The following PTPRD variants were observed in gnomAD, a reference collection of about 807,000 sequenced individuals.
The protein encoded by PTPRD is receptor-type tyrosine-protein phosphatase delta.
A neutral mutation model predicts 214.5 loss-of-function variants in PTPRD; 34 were observed. The observed-to-expected ratio is 0.16, with a 90% confidence interval of 0.12 to 0.21. PTPRD has a LOEUF of 0.21. Ranked by LOEUF, PTPRD falls within the 10% of genes least tolerant of loss-of-function variation. The pLI is 1.00. For synonymous variants in PTPRD, 1,128 were observed against 845.7 expected, an observed-to-expected ratio of 1.33 and a Z score of -5.79; for missense variants, 2,545 against 2,398.7, an observed-to-expected ratio of 1.06 and a Z score of -1.27.
intron 7 of PTPRD, among the ~76,000 whole-genome samples, chr9:9,724,991 T>C (rs1388391822): frequency 2.0e-5 from 3 of 152,162 alleles, no homozygotes; most frequent in Non-Finnish European, 2.9e-5. Flanking sequence ...CCTTCCTGCA[T>C]TCCCTACTTT....
chr9:8,511,453 T>C (rs1035362289), intron 21 of PTPRD, among the ~76,000 whole-genome samples: 1 of 152,120 alleles, frequency 6.6e-6, no homozygotes, highest in Non-Finnish European at 1.5e-5. Flanking sequence ...AACCTTCACT[T>C]ACCAGTCCTT....
intron 7 of PTPRD, among the ~76,000 whole-genome samples, chr9:9,692,110 A>C (rs1288526065): frequency 2.2e-4 from 5 of 23,220 alleles, no homozygotes; most frequent in Non-Finnish European, 3.5e-4. Context: ...CTTTGATGTG[A>C]AGAAGATTTT....
intron 8 of PTPRD, among the ~76,000 whole-genome samples, chr9:9,432,016 A>G (rs1445413565): frequency 6.7e-6 from 1 of 149,984 alleles, no homozygotes; most frequent in Non-Finnish European, 1.5e-5. Flanking sequence ...ACAAACCTGC[A>G]TGTTGTGTAC....
At chr9:9,282,832 T>C (rs1948173891) in intron 9 of PTPRD, among the ~76,000 whole-genome samples, 1 of 151,514 alleles carries the variant, frequency 6.6e-6, no homozygotes. Flanking sequence ...TTAAGTGGCA[T>C]ACAAATTCAA....
intron 11 of PTPRD, among the ~76,000 whole-genome samples, chr9:8,854,780 A>C (rs982367201): frequency 6.6e-6 from 1 of 152,218 alleles, no homozygotes; most frequent in African/African-American, 2.4e-5. Context: ...AAGCTACTTT[A>C]ATCACATCAT....
chr9:9,732,851 A>T (rs1481054918), intron 7 of PTPRD, among the ~76,000 whole-genome samples: 2 of 151,930 alleles, frequency 1.3e-5, no homozygotes. Context: ...CTGGAGGCTG[A>T]GGTAGGAGGA....
At chr9:10,354,555 A>C (rs973123189) in intron 2 of PTPRD, among the ~76,000 whole-genome samples, 12 of 152,092 alleles carry the variant, frequency 7.9e-5, no homozygotes, top group Non-Finnish European at 1.8e-4. Context: ...ATTTTCCTTA[A>C]GTTCTTTGAC....
chr9:8,422,885 T>G (rs1422474893), intron 35 of PTPRD, among the ~76,000 whole-genome samples: 1 of 152,174 alleles, frequency 6.6e-6, no homozygotes. Context: ...TACCTTCCCT[T>G]ATGCAGCACC....
chr9:9,219,793 G>A (rs1239658400), intron 9 of PTPRD, among the ~76,000 whole-genome samples: 1 of 152,140 alleles, frequency 6.6e-6, no homozygotes, highest in African/African-American at 2.4e-5. Context: ...TCTACACATG[G>A]CGGACAGTGA....
intron 2 of PTPRD, among the ~76,000 whole-genome samples, chr9:10,587,202 G>C (rs1462485453): frequency 6.6e-6 from 1 of 152,038 alleles, no homozygotes; most frequent in Non-Finnish European, 1.5e-5. Context: ...CTTACATTCA[G>C]CTGTAAGGAA....
chr9:8,497,199 C>T, intron 26 of PTPRD, 43 bp downstream of exon 26: 1 of 1,524,580 alleles, frequency 6.6e-7, no homozygotes, highest in Non-Finnish European at 8.9e-7. Context: ...AGAAAACAAG[C>T]ATATATAGTC....
At chr9:9,801,451 T>C (rs755441067) in intron 5 of PTPRD, among the ~76,000 whole-genome samples, 4 of 152,102 alleles carry the variant, frequency 2.6e-5, no homozygotes, top group Non-Finnish European at 4.4e-5. Flanking sequence ...GTTCTGAGTT[T>C]ATAAAGCAAA....
chr9:9,217,012 A>G (rs968490820), intron 9 of PTPRD, among the ~76,000 whole-genome samples: 5 of 152,284 alleles, frequency 3.3e-5, no homozygotes, highest in African/African-American at 1.2e-4. Flanking sequence ...AAAAAAATTC[A>G]AAGAACCAAT....
At chr9:9,917,014 GA>G (rs2081037820) in intron 5 of PTPRD, among the ~76,000 whole-genome samples, 1 of 151,280 alleles carries the variant, frequency 6.6e-6, no homozygotes, top group Non-Finnish European at 1.5e-5. Context: ...TGAAACAAAT[GA>G]AAATGGAAAC....
At chr9:8,397,477 T>C (rs2091461964) in intron 36 of PTPRD, among the ~76,000 whole-genome samples, 2 of 152,208 alleles carry the variant, frequency 1.3e-5, no homozygotes, top group South Asian at 4.1e-4. Flanking sequence ...GGTTTTGTTT[T>C]ACTTATTGAA....
At chr9:8,845,509 C>G (rs1044825940) in intron 11 of PTPRD, among the ~76,000 whole-genome samples, 1 of 152,328 alleles carries the variant, frequency 6.6e-6, no homozygotes, top group South Asian at 2.1e-4. Context: ...TCAAATATGC[C>G]AGCTGTTTGG....
chr9:8,330,415 G>T (rs113111544), intron 44 of PTPRD, among the ~76,000 whole-genome samples: 6,090 of 152,194 alleles, frequency 0.04, 403 homozygotes, highest in African/African-American at 0.14. Context: ...TATATGCACT[G>T]GGAAACCAAA....
intron 7 of PTPRD, among the ~76,000 whole-genome samples, chr9:9,605,628 G>A (rs2094104812): frequency 6.6e-6 from 1 of 152,060 alleles, no homozygotes; most frequent in South Asian, 2.1e-4. Flanking sequence ...AACAAAATTT[G>A]TGTTTTAGGT....
chr9:9,797,267 A>T (rs1390016100), intron 5 of PTPRD, among the ~76,000 whole-genome samples: 1 of 83,496 alleles, frequency 1.2e-5, no homozygotes, highest in Non-Finnish European at 2.4e-5. Flanking sequence ...TTTTTTTTTA[A>T]ACAGGCAGTT....
Sources: gnomAD v4.1 joint callset for allele counts (sites outside exome capture counted in the v4.1 genomes callset) on GRCh38, gnomAD v4.1.1 for gene constraint, MANE v1.5 for transcripts, NCBI Gene and HGNC (gene_info 2026-07-23, HGNC 2026-07-21) for gene names.